PHAF1: variants seen among roughly 807,000 people sequenced by gnomAD.
PHAF1 encodes phagophore assembly factor 1, also known as phagosome assembly factor 1.
Under a neutral mutation model 63.1 loss-of-function variants are expected in PHAF1, and 23 were observed. That is an observed-to-expected ratio of 0.36 (90% CI 0.26 to 0.52). The LOEUF is 0.52. Ranked by LOEUF, PHAF1 falls within the 20% of genes least tolerant of loss-of-function variation. The pLI, the probability that PHAF1 is intolerant of heterozygous loss-of-function variation, is 0.93. For missense variants in PHAF1, 427 were observed against 517.2 expected (o/e 0.83, Z 1.69); for synonymous variants, 167 against 185.0 (o/e 0.90, Z 0.79).
chr16:67,139,963 T>G, intron 8 of PHAF1, 21 bp from the exon 9 acceptor site: 2 of 1,613,870 alleles, frequency 1.2e-6, no homozygotes, highest in Non-Finnish European at 1.7e-6. Flanking sequence ...CCTGACAACC[T>G]CTCTGTCTTG....
At position 67,144,873 on chromosome 16, in the gene PHAF1, G is replaced by T; in HGVS notation, c.1002G>T (p.Lys334Asn). Residue 334 changes from lysine (K) to asparagine (N), a missense_variant, in exon 12 of 16, where the codon AAG (lysine) becomes AAT (asparagine). By Grantham distance (94) the Lys-to-Asn change is moderately conservative. Transcript: ENST00000219139. ...AGTTCAAGATCCCACTAGCCATAAA[G>T]AAAGGTGAGTAGTGAAAGCTCTCAG... Reference protein sequence around the residue: ...RCEFKIPLAIKKENADGQTET... With the variant: ...RCEFKIPLAINKENADGQTET... The T allele has an allele frequency of 6.2e-7, 1 of 1,613,942 alleles. No individual in the cohort carries two copies. The highest frequency in any genetic ancestry group is 8.5e-7 in the Non-Finnish European group (1 of 1,179,828).
At chr16:67,139,582 C>CA (rs1963729224) in intron 8 of PHAF1, 1 of 170,694 alleles carries the variant, frequency 5.9e-6, no homozygotes, top group Admixed American at 5.9e-5. Context: ...ACTCTGAGCT[C>CA]AAACAACCCA....
intron 3 of PHAF1, among the ~76,000 whole-genome samples, chr16:67,127,233 G>C (rs1250567648): frequency 6.6e-6 from 1 of 152,172 alleles, no homozygotes; most frequent in East Asian, 1.9e-4. Flanking sequence ...TGTGACACCA[G>C]AGTCATGCCT....
intron 3 of PHAF1, among the ~76,000 whole-genome samples, chr16:67,126,594 G>GTTTTTTT (rs201265915): frequency 1.1e-4 from 16 of 144,264 alleles, no homozygotes; most frequent in South Asian, 2.1e-4. Flanking sequence ...TTTTGTTTTT[G>GTTTTTTT]GTTTTTTTTT....
chr16:67,118,861 A>G (rs1236099158), intron 1 of PHAF1, among the ~76,000 whole-genome samples: 1 of 147,824 alleles, frequency 6.8e-6, no homozygotes, highest in Non-Finnish European at 1.5e-5. Context: ...TGCAGGATCA[A>G]CCTCCTGGGC....
intron 3 of PHAF1, among the ~76,000 whole-genome samples, chr16:67,129,519 ACTAT>A (rs762365310): frequency 2.0e-5 from 3 of 152,276 alleles, no homozygotes; most frequent in African/African-American, 4.8e-5. Flanking sequence ...AAGCGAACCT[ACTAT>A]CTATTATGTC....
chr16:67,110,286 T>G, intron 1 of PHAF1, 47 bp downstream of exon 1: 1 of 1,542,966 alleles, frequency 6.5e-7, no homozygotes, highest in Non-Finnish European at 8.8e-7. Flanking sequence ...GATCCTTGCT[T>G]TCTCCTGGGC....
intron 3 of PHAF1, among the ~76,000 whole-genome samples, chr16:67,126,964 C>T (rs1222678940): frequency 6.7e-6 from 1 of 148,942 alleles, no homozygotes. Flanking sequence ...TCTTGGCTCA[C>T]TGCAACCTCT....
chr16:67,131,815 AT>A (rs1375198270), intron 4 of PHAF1, among the ~76,000 whole-genome samples: 1 of 152,054 alleles, frequency 6.6e-6, no homozygotes, highest in African/African-American at 2.4e-5. Context: ...TTGCGCCCCC[AT>A]TATGGCAAGG....
intron 1 of PHAF1, among the ~76,000 whole-genome samples, chr16:67,116,452 T>A (rs1261712209): frequency 1.3e-5 from 2 of 152,258 alleles, no homozygotes; most frequent in African/African-American, 4.8e-5. Flanking sequence ...CTGATTTAAA[T>A]GTGAACTGAC....
At chr16:67,132,985 G>T (rs1963465303) in intron 6 of PHAF1, 74 bp downstream of exon 6, 7 of 1,227,060 alleles carry the variant, frequency 5.7e-6, no homozygotes, top group African/African-American at 3.0e-5. Context: ...TCATGGGATG[G>T]GAATAGAGGA....
At chr16:67,115,424 G>A (rs1398806632) in intron 1 of PHAF1, among the ~76,000 whole-genome samples, 1 of 152,234 alleles carries the variant, frequency 6.6e-6, no homozygotes, top group African/African-American at 2.4e-5. Flanking sequence ...TAATTCAGAA[G>A]CCTGAGGTGA....
At chr16:67,145,674 G>A (rs1471302041) in intron 14 of PHAF1, 46 bp downstream of exon 14, 1 of 1,577,592 alleles carries the variant, frequency 6.3e-7, no homozygotes, top group African/African-American at 1.4e-5. Flanking sequence ...TGACTCCTCA[G>A]AGCCCAGAAA....
chr16:67,140,703 A>T, intron 10 of PHAF1, 109 bp downstream of exon 10: 1 of 890,538 alleles, frequency 1.1e-6, no homozygotes, highest in Non-Finnish European at 1.8e-6. Flanking sequence ...GACATTGGGG[A>T]ACCTAGCCCC....
In PHAF1 at chr16:67,144,855, G is replaced by A; in HGVS notation, c.984G>A (p.Lys328=). ...CTAGTTATCATCGCTGTGAGTTCAAGATCCCACTAGCCATAAAGAAAGGTG... is the reference window on the plus strand; with the variant it reads ...CTAGTTATCATCGCTGTGAGTTCAAAATCCCACTAGCCATAAAGAAAGGTG... ...NFNIYHRCEF[K]IPLAIKKENA... is the part of the protein sequence containing the mutation. Residue 328 remains lysine (K), a synonymous_variant, in exon 12 of 16, where the codon AAG becomes AAA. Coordinates refer to ENST00000219139, the MANE Select transcript of PHAF1 (RefSeq NM_025187.5). 3 of 1,614,130 alleles carry A rather than the reference G, an allele frequency of 1.9e-6. No individual in the cohort carries two copies. Among genetic ancestry groups the A allele is most frequent in the Non-Finnish European group, 2.5e-6 (3 of 1,180,014 alleles).
chr16:67,144,474 A>G, intron 11 of PHAF1, 98 bp downstream of exon 11: 1 of 849,338 alleles, frequency 1.2e-6, no homozygotes, highest in Non-Finnish European at 2.0e-6. Context: ...TAATTTATCT[A>G]CACCTGAATT....
chr16:67,144,321 A>C lies in PHAF1; in HGVS notation c.907A>C (p.Lys303Gln), dbSNP rs1228833407. 3.1e-6 allele frequency: 5 copies of C among 1,612,370 alleles called. No individual in the cohort carries two copies. In the South Asian group the frequency reaches 5.5e-5, roughly 18 times the overall value. Reference sequence around the variant, plus strand: ...CATCCTCTTTGATGCGAATACACACAAAGTGAAGAAGTTTGTTCTACACAC... The same window carrying C: ...CATCCTCTTTGATGCGAATACACACCAAGTGAAGAAGTTTGTTCTACACAC... ...VDILFDANTH[K>Q]VKKFVLHTNY... is the part of the protein sequence containing the mutation. The change falls in exon 11 of 16, where the codon AAA (lysine) becomes CAA (glutamine). Residue 303 changes from lysine (K) to glutamine (Q), a missense_variant. Lys to Gln is a moderately conservative substitution (Grantham distance 53, BLOSUM62 1). Coordinates refer to ENST00000219139, the MANE Select transcript of PHAF1 (RefSeq NM_025187.5).
intron 13 of PHAF1, 75 bp from the exon 14 acceptor site, chr16:67,145,495 T>C: frequency 3.1e-6 from 5 of 1,611,462 alleles, no homozygotes; most frequent in Non-Finnish European, 4.2e-6. Context: ...TGGGGCTGTG[T>C]CCTCTAGGCC....
chr16:67,146,985 A>C, intron 15 of PHAF1, 60 bp from the exon 16 acceptor site: 1 of 1,462,786 alleles, frequency 6.8e-7, no homozygotes, highest in Non-Finnish European at 9.6e-7. Context: ...CCTCATGCAC[A>C]GGATCTGCCT....
Sources: allele counts gnomAD v4.1 joint callset (sites outside exome capture counted in the v4.1 genomes callset), GRCh38; gene constraint gnomAD v4.1.1; transcripts MANE v1.5; gene names NCBI Gene and HGNC (gene_info 2026-07-23, HGNC 2026-07-21).